TENM3: variants seen among roughly 807,000 people sequenced by gnomAD.
TENM3 encodes teneurin transmembrane protein 3, also known as teneurin-3.
TENM3 carries 63 observed loss-of-function variants against 255.1 expected under a neutral mutation model. That is an observed-to-expected ratio of 0.25 (90% CI 0.20 to 0.30). TENM3 has a LOEUF of 0.30. Ranked by LOEUF, TENM3 falls within the 10% of genes least tolerant of loss-of-function variation. The probability of loss-of-function intolerance (pLI) is 1.00; values close to 1 mark genes in which losing one functional copy is unlikely to be tolerated. For synonymous variants in TENM3, 1,306 were observed against 1,322.3 expected (o/e 0.99, Z 0.27); for missense variants, 2,929 against 3,461.1 (o/e 0.85, Z 3.86).
intron 3 of TENM3, among the ~76,000 whole-genome samples, chr4:182,373,168 GCA>G (rs1766961651): frequency 6.6e-6 from 1 of 152,182 alleles, no homozygotes; most frequent in East Asian, 1.9e-4. Flanking sequence ...CCATTGCTTT[GCA>G]GAGAAGAAGT....
chr4:181,556,786 T>G, the TENM3 span, among the ~76,000 whole-genome samples: 1 of 152,214 alleles, frequency 6.6e-6, no homozygotes, highest in African/African-American at 2.4e-5. Context: ...TTTCATAACA[T>G]TTTTCATTTG....
At chr4:181,829,836 A>T in the TENM3 span, 1 of 152,308 alleles carries the variant, frequency 6.6e-6, no homozygotes, top group Non-Finnish European at 1.5e-5. Flanking sequence ...CCCCAGAGTG[A>T]GGAAGCTCAG....
chr4:181,464,067 G>C, the TENM3 span, among the ~76,000 whole-genome samples: 1 of 152,150 alleles, frequency 6.6e-6, no homozygotes, highest in East Asian at 1.9e-4. Flanking sequence ...GGACAGTTGA[G>C]TTGTTTCGAG....
At chr4:181,525,283 C>T in the TENM3 span, among the ~76,000 whole-genome samples, 2 of 151,096 alleles carry the variant, frequency 1.3e-5, no homozygotes, top group East Asian at 2.0e-4. Context: ...TGGTAGCAGA[C>T]ACCTGTGGTC....
intron 1 of TENM3, among the ~76,000 whole-genome samples, chr4:182,208,172 A>G (rs759468214): frequency 2.6e-5 from 4 of 152,246 alleles, no homozygotes; most frequent in Admixed American, 6.5e-5. Flanking sequence ...ATGCTTTATG[A>G]TGTTAAGTAT....
At chr4:182,545,075 A>G (rs1741296245) in intron 3 of TENM3, among the ~76,000 whole-genome samples, 1 of 152,330 alleles carries the variant, frequency 6.6e-6, no homozygotes, top group Admixed American at 6.5e-5. Context: ...AAAGTAAAGG[A>G]AAATTGCTTC....
At chr4:181,688,578 A>T in the TENM3 span, among the ~76,000 whole-genome samples, 2 of 152,126 alleles carry the variant, frequency 1.3e-5, no homozygotes, top group African/African-American at 4.8e-5. Context: ...TGCTGTGAAA[A>T]TCAACTTGCA....
At chr4:182,585,747 C>T (rs946789546) in intron 3 of TENM3, among the ~76,000 whole-genome samples, 3 of 152,198 alleles carry the variant, frequency 2.0e-5, no homozygotes, top group African/African-American at 7.2e-5. Context: ...ATATCCAGTG[C>T]TTATTCATCT....
chr4:182,680,845 G>A (rs1756116753), intron 10 of TENM3, 108 bp downstream of exon 10: 18 of 818,700 alleles, frequency 2.2e-5, no homozygotes, highest in Non-Finnish European at 3.1e-5. Context: ...CCTTTTGAAA[G>A]CAATTTTGAA....
chr4:181,586,220 T>C, the TENM3 span, among the ~76,000 whole-genome samples: 862 of 152,330 alleles, frequency 5.7e-3, 11 homozygotes, highest in African/African-American at 0.02. Context: ...GGCAGATGTC[T>C]ATGGTATGTG....
chr4:181,511,348 C>A, the TENM3 span, among the ~76,000 whole-genome samples: 11 of 152,186 alleles, frequency 7.2e-5, no homozygotes, highest in African/African-American at 2.7e-4. Flanking sequence ...AAGATGATGA[C>A]ATGGGAAACT....
At chr4:181,764,990 C>A in the TENM3 span, among the ~76,000 whole-genome samples, 1 of 152,296 alleles carries the variant, frequency 6.6e-6, no homozygotes, top group African/African-American at 2.4e-5. Flanking sequence ...CCACTGTGTC[C>A]AGCAGTGTGT....
the TENM3 span, among the ~76,000 whole-genome samples, chr4:181,574,103 G>A: frequency 0.35 from 53,579 of 152,086 alleles, 9,500 homozygotes; most frequent in Middle Eastern, 0.44. Context: ...ACAGTGAGCA[G>A]TTCCACAGCT....
At chr4:182,265,546 C>G (rs1445935212) in intron 1 of TENM3, among the ~76,000 whole-genome samples, 1 of 152,142 alleles carries the variant, frequency 6.6e-6, no homozygotes, top group Non-Finnish European at 1.5e-5. Flanking sequence ...GGGGATGTGT[C>G]TTTGCCTTCA....
At chr4:181,868,562 T>C in the TENM3 span, among the ~76,000 whole-genome samples, 1 of 152,220 alleles carries the variant, frequency 6.6e-6, no homozygotes, top group African/African-American at 2.4e-5. Context: ...GTTCTTCTCA[T>C]ATTTGTGCTT....
intron 3 of TENM3, among the ~76,000 whole-genome samples, chr4:182,435,656 C>T (rs568037820): frequency 1.4e-4 from 22 of 151,948 alleles, no homozygotes; most frequent in African/African-American, 4.8e-4. Context: ...AGCTGCCAGC[C>T]GGGAGGAATG....
At chr4:182,392,707 T>A (rs1768522194) in intron 3 of TENM3, among the ~76,000 whole-genome samples, 1 of 149,588 alleles carries the variant, frequency 6.7e-6, no homozygotes, top group South Asian at 2.1e-4. Context: ...GAGGCAGGTG[T>A]GAACAGTAGA....
At chr4:181,833,245 A>G in the TENM3 span, among the ~76,000 whole-genome samples, 1 of 152,110 alleles carries the variant, frequency 6.6e-6, no homozygotes, top group East Asian at 1.9e-4. Flanking sequence ...CTGATCCTCA[A>G]ATCTCAAGTG....
intron 1 of TENM3, among the ~76,000 whole-genome samples, chr4:182,192,957 T>C (rs1753612547): frequency 6.6e-6 from 1 of 152,230 alleles, no homozygotes; most frequent in South Asian, 2.1e-4. Flanking sequence ...AATCTTGTTC[T>C]GTGTAGGCAT....
Sources: allele counts gnomAD v4.1 joint callset (sites outside exome capture counted in the v4.1 genomes callset), GRCh38; gene constraint gnomAD v4.1.1; transcripts MANE v1.5; gene names NCBI Gene and HGNC (gene_info 2026-07-23, HGNC 2026-07-21).